Variants in NCOA7 observed in about 807,000 individuals in gnomAD.
NCOA7 encodes the protein nuclear receptor coactivator 7.
Under a neutral mutation model 104.3 loss-of-function variants are expected in NCOA7, and 45 were observed. That is an observed-to-expected ratio of 0.43 (90% CI 0.34 to 0.55). The LOEUF (loss-of-function observed/expected upper bound fraction) is 0.55. Among genes scored for constraint, NCOA7 ranks in the 20% least tolerant of loss-of-function variants. NCOA7 has a pLI of 0.02. For missense variants in NCOA7, 1,041 were observed against 1,119.7 expected (o/e 0.93, Z 1.00); for synonymous variants, 398 against 402.3 (o/e 0.99, Z 0.13).
chr6:125,841,311 T>C (rs1780151535), intron 2 of NCOA7, among the ~76,000 whole-genome samples: 1 of 152,160 alleles, frequency 6.6e-6, no homozygotes, highest in Non-Finnish European at 1.5e-5. Flanking sequence ...GGTTCTACCA[T>C]ATAGCCTAGG....
chr6:125,918,468 T>C (rs1787270995), intron 11 of NCOA7, among the ~76,000 whole-genome samples: 1 of 152,108 alleles, frequency 6.6e-6, no homozygotes, highest in South Asian at 2.1e-4. Context: ...TAACCCCCAG[T>C]GTGAGCAATA....
intron 10 of NCOA7, among the ~76,000 whole-genome samples, chr6:125,901,339 G>C (rs1428054876): frequency 1.3e-5 from 2 of 152,178 alleles, no homozygotes; most frequent in African/African-American, 4.8e-5. Flanking sequence ...CAGTCATGCA[G>C]CTTTTGATAG....
chr6:125,817,144 T>G (rs929915157), intron 2 of NCOA7, among the ~76,000 whole-genome samples: 3 of 152,162 alleles, frequency 2.0e-5, no homozygotes, highest in African/African-American at 7.2e-5. Flanking sequence ...AATCACAGCT[T>G]TTTAGTCATT....
chr6:125,922,068 G>A (rs1562189434), intron 12 of NCOA7, among the ~76,000 whole-genome samples: 1 of 152,188 alleles, frequency 6.6e-6, no homozygotes, highest in Admixed American at 6.5e-5. Context: ...GATTCACACT[G>A]ACACTGAAAC....
intron 1 of NCOA7, among the ~76,000 whole-genome samples, chr6:125,799,684 C>T (rs9385384): frequency 0.24 from 37,057 of 152,014 alleles, 5,413 homozygotes; most frequent in South Asian, 0.41. Flanking sequence ...TCAAATGATC[C>T]GCCCTCCTCA....
intron 1 of NCOA7, among the ~76,000 whole-genome samples, chr6:125,811,782 C>T (rs1329701170): frequency 2.6e-5 from 4 of 152,148 alleles, no homozygotes; most frequent in Admixed American, 1.3e-4. Context: ...ACTCCCAATA[C>T]GTCACTAATG....
At chr6:125,906,765 AT>A (rs894421938) in intron 10 of NCOA7, among the ~76,000 whole-genome samples, 8 of 152,168 alleles carry the variant, frequency 5.3e-5, no homozygotes, top group Non-Finnish European at 1.0e-4. Flanking sequence ...CAGAAGGGGA[AT>A]TTCAGAGCTT....
In NCOA7 at chr6:125,901,276, A is replaced by C. The variant is rs538079406; in HGVS notation, c.2096+10466A>C. Among the ~76,000 whole-genome samples, 10 of 152,322 alleles carry C rather than the reference A, an allele frequency of 6.6e-5. No homozygotes were observed. The East Asian group carries it at 1.9e-3, about 29-fold the overall frequency. ...GTTCCTGCTTATCAGTTTTAAGTCA[A>C]GTGAGTTTCGGGATTATATTTTGCT... On this transcript the variant is annotated intron_variant, in intron 10 of 15. Coordinates refer to ENST00000392477, the MANE Select transcript of NCOA7 (RefSeq NM_181782.5).
chr6:125,819,699 G>T (rs1777983014), intron 2 of NCOA7, among the ~76,000 whole-genome samples: 1 of 152,138 alleles, frequency 6.6e-6, no homozygotes, highest in African/African-American at 2.4e-5. Flanking sequence ...ATCCTCTGGG[G>T]TGACTATCAT....
At chr6:125,872,501 C>A (rs1783016338) in intron 3 of NCOA7, among the ~76,000 whole-genome samples, 1 of 152,072 alleles carries the variant, frequency 6.6e-6, no homozygotes, top group Admixed American at 6.5e-5. Context: ...ATGATGACAG[C>A]AAGAAGGGCA....
chr6:125,909,229 G>T (rs1786300860), intron 10 of NCOA7, among the ~76,000 whole-genome samples: 1 of 152,198 alleles, frequency 6.6e-6, no homozygotes, highest in African/African-American at 2.4e-5. Context: ...GCCACCTCAG[G>T]AGATCTAGTC....
intron 11 of NCOA7, 26 bp downstream of exon 11, chr6:125,915,506 G>A (rs368584009): frequency 3.2e-5 from 52 of 1,612,600 alleles, no homozygotes; most frequent in Middle Eastern, 3.3e-4. Flanking sequence ...GGGTTAGACC[G>A]TCGTAGTTCC....
At chr6:125,801,152 G>A (rs571102881) in intron 1 of NCOA7, among the ~76,000 whole-genome samples, 1 of 152,334 alleles carries the variant, frequency 6.6e-6, no homozygotes, top group East Asian at 1.9e-4. Flanking sequence ...AAGTGGCATA[G>A]TACATGGTGA....
At chr6:125,875,172 G>A (rs1374668269) in intron 4 of NCOA7, 41 of 466,472 alleles carry the variant, frequency 8.8e-5, no homozygotes, top group Non-Finnish European at 1.6e-4. Flanking sequence ...AATTGAGAAT[G>A]TGAGGGTGAT....
chr6:125,824,661 A>C (rs1190587984), intron 2 of NCOA7, among the ~76,000 whole-genome samples: 1 of 152,196 alleles, frequency 6.6e-6, no homozygotes, highest in African/African-American at 2.4e-5. Context: ...AACCTGCTTT[A>C]GTCATATGCT....
rs539315763 is a variant in NCOA7 at position 125,865,035 on chromosome 6, T to G, written c.271+9795T>G. Among the ~76,000 whole-genome samples, 7 of 138,242 alleles carry G rather than the reference T, an allele frequency of 5.1e-5. 2 individuals are homozygous for G. Among genetic ancestry groups the G allele is most frequent in the Admixed American group, 1.4e-4 (2 of 14,570 alleles). The allele number at this position is 138,242 out of a possible 152,430, so 90.7% of individuals were successfully genotyped here. On this transcript the variant is annotated intron_variant, in intron 3 of 15. Transcript: ENST00000392477. ...CGAGGAAGAGCAGAAAGAACTATTT[T>G]CCATGAATGTCTCCTTTGTGTTAGA...
rs1397266795 is a variant in NCOA7 at position 125,815,366 on chromosome 6, G to C, written c.12G>C (p.Lys4Asn). ...TTTGATTGTGTATTATGGATACCAAGGAAGAGAAGAAGGAACGGAAACAAA... is the reference window on the plus strand; with the variant it reads ...TTTGATTGTGTATTATGGATACCAACGAAGAGAAGAAGGAACGGAAACAAA... MDT[K>N]EEKKERKQSY... Residue 4 changes from lysine (K) to asparagine (N), a missense_variant, in exon 2 of 16, where the codon AAG becomes AAC. By Grantham distance (94) the Lys-to-Asn change is moderately conservative. This residue lies in a region of NCOA7 where 914 missense variants were observed against 942.7 expected (regional missense o/e 0.97). Coordinates refer to ENST00000392477, the MANE Select transcript of NCOA7 (RefSeq NM_181782.5). 2 of 1,607,872 alleles carry C rather than the reference G, an allele frequency of 1.2e-6. No homozygotes were observed. Among genetic ancestry groups the C allele is most frequent in the Non-Finnish European group, 1.7e-6 (2 of 1,177,162 alleles).
intron 12 of NCOA7, 122 bp downstream of exon 12, chr6:125,921,190 A>AGATGG: frequency 2.5e-5 from 32 of 1,296,640 alleles, no homozygotes; most frequent in South Asian, 7.2e-5. Context: ...CAGGCGGATC[A>AGATGG]CTTGAGGTCA....
chr6:125,792,187 A>T (rs1415114552), intron 1 of NCOA7, among the ~76,000 whole-genome samples: 1 of 152,232 alleles, frequency 6.6e-6, no homozygotes, highest in Non-Finnish European at 1.5e-5. Context: ...TTAGAATCAC[A>T]GAATTGTTCT....
Sources: allele counts gnomAD v4.1 joint callset (sites outside exome capture counted in the v4.1 genomes callset), GRCh38; gene constraint gnomAD v4.1.1; regional missense constraint gnomAD v4.1.1; transcripts MANE v1.5; gene names NCBI Gene and HGNC (gene_info 2026-07-23, HGNC 2026-07-21).